Variants in FRS2 observed in about 807,000 individuals in gnomAD.
FRS2 encodes the protein FGFR signalling adaptor.
Under a neutral mutation model 43.9 loss-of-function variants are expected in FRS2, and 8 were observed. The observed-to-expected ratio is 0.18, with a 90% CI of 0.11 to 0.33. The LOEUF (loss-of-function observed/expected upper bound fraction) is 0.33, where lower values mean the gene tolerates loss of function less well. Ranked by LOEUF, FRS2 falls within the 10% of genes least tolerant of loss-of-function variation. The pLI, the probability that FRS2 is intolerant of heterozygous loss-of-function variation, is 1.00. For missense variants in FRS2, 534 were observed against 627.6 expected, an observed-to-expected ratio of 0.85 and a Z score of 1.59; for synonymous variants, 219 against 220.3, an observed-to-expected ratio of 0.99 and a Z score of 0.05.
chr12:69,573,664 T>C (rs2135819693), intron 8 of FRS2, among the ~76,000 whole-genome samples: 1 of 152,288 alleles, frequency 6.6e-6, no homozygotes, highest in African/African-American at 2.4e-5. Context: ...GGTTTCACCA[T>C]GTTGGCCAGG....
chr12:69,571,546 G>A, intron 7 of FRS2, 112 bp downstream of exon 7: 2 of 878,372 alleles, frequency 2.3e-6, no homozygotes, highest in Non-Finnish European at 3.6e-6. Flanking sequence ...GATAACAGAA[G>A]TATAATGGTT....
chr12:69,520,516 C>G (rs768796889), intron 1 of FRS2, among the ~76,000 whole-genome samples: 1 of 151,446 alleles, frequency 6.6e-6, no homozygotes, highest in Non-Finnish European at 1.5e-5. Flanking sequence ...AATGATATTG[C>G]CTAGGTTGTC....
At chr12:69,558,033 T>C (rs1879577086) in intron 3 of FRS2, among the ~76,000 whole-genome samples, 1 of 152,220 alleles carries the variant, frequency 6.6e-6, no homozygotes, top group Non-Finnish European at 1.5e-5. Flanking sequence ...AATCTCTATA[T>C]ATATATTGTT....
At chr12:69,523,469 C>T (rs912943485) in intron 1 of FRS2, among the ~76,000 whole-genome samples, 1 of 152,178 alleles carries the variant, frequency 6.6e-6, no homozygotes, top group African/African-American at 2.4e-5. Flanking sequence ...CCATGGGTGT[C>T]ACTGCATGTG....
At chr12:69,470,661 G>T (rs920753301) in intron 1 of FRS2, 131 bp downstream of exon 1, 6 of 206,896 alleles carry the variant, frequency 2.9e-5, no homozygotes, top group Non-Finnish European at 5.7e-5. Context: ...GGGGATTGTC[G>T]ACCGCCGCGG....
chr12:69,563,617 CA>C (rs1880044673), intron 4 of FRS2, among the ~76,000 whole-genome samples: 3 of 152,162 alleles, frequency 2.0e-5, no homozygotes. Context: ...GCTAGCAAAA[CA>C]GCATAATCTT....
intron 3 of FRS2, among the ~76,000 whole-genome samples, chr12:69,540,225 C>T (rs1213312443): frequency 6.6e-6 from 1 of 151,578 alleles, no homozygotes; most frequent in Non-Finnish European, 1.5e-5. Context: ...TGCACTCCAG[C>T]CTGGACGACA....
At chr12:69,514,630 C>G (rs777853760) in intron 1 of FRS2, among the ~76,000 whole-genome samples, 1 of 152,072 alleles carries the variant, frequency 6.6e-6, no homozygotes, top group Non-Finnish European at 1.5e-5. Flanking sequence ...GTCAGGAGTT[C>G]TAGACCAGCC....
Position 69,530,977 on chromosome 12 carries a change from CTT to C in FRS2, c.-165+33_-165+34del, listed in dbSNP as rs59475670. 564 of 134,600 alleles carry C rather than the reference CTT, an allele frequency of 4.2e-3. 6 individuals carry two copies. Among genetic ancestry groups the C allele is most frequent in the African/African-American group, 0.012 (451 of 37,038 alleles). 8.3% of individuals were successfully genotyped at this position (134,600 alleles called of 1,614,324 possible). A position where few individuals can be genotyped will look rare whatever the true frequency, so the allele number is the denominator to read the frequency against. On this transcript the variant is annotated intron_variant, in intron 2 of 8. Transcript: ENST00000549921. ...ACCAGCTTGGTAAGTGTGGCCAAAT[CTT>C]TTTTTTTTTTTTTTTAACTTTGTAG... is the stretch of plus-strand genomic sequence containing the variant.
chr12:69,518,610 G>A lies in FRS2; in HGVS notation c.-260-12255G>A, dbSNP rs191825872. Among the ~76,000 whole-genome samples, 7 of 151,466 alleles carry A rather than the reference G, an allele frequency of 4.6e-5. No individual in the cohort carries two copies. The East Asian group carries it at 1.4e-3, about 30-fold the overall frequency. ...ATGCCTGTAGTCCCAGCTACTTTGG[G>A]GGCTGAGGCAAGAGGATCACTTGAA... On this transcript the variant is annotated intron_variant, in intron 1 of 8. Transcript: ENST00000549921.
chr12:69,550,903 CTT>C (rs953505286), intron 3 of FRS2, among the ~76,000 whole-genome samples: 3 of 152,132 alleles, frequency 2.0e-5, no homozygotes, highest in Non-Finnish European at 4.4e-5. Context: ...AATTCTAAGT[CTT>C]TTTAAAAAGA....
chr12:69,575,188 T>C lies in FRS2; in HGVS notation c.*233T>C. ...TACAGCAGCATTCCCGTTTTCACAG[T>C]GCCTATTTAAAATGAGAGTTGAAGT... On this transcript the variant is annotated 3_prime_UTR_variant, in exon 9 of 9. Transcript: ENST00000549921. 1 of 453,158 alleles carries C rather than the reference T, an allele frequency of 2.2e-6. No homozygotes were observed. The highest frequency in any genetic ancestry group is 3.9e-6 in the Non-Finnish European group (1 of 257,504). 28.1% of individuals were successfully genotyped at this position (453,158 alleles called of 1,614,324 possible).
rs372662720 is a variant in FRS2 at position 69,574,630 on chromosome 12, C to T, written c.1202C>T (p.Pro401Leu). Residue 401 changes from proline to leucine, a missense_variant, in exon 9 of 9, where the codon CCA becomes CTA. Pro to Leu is a moderately conservative substitution (Grantham distance 98). Transcript: ENST00000549921. ...GTAAATACAGAGAATGTAACAGTGC[C>T]AGCAAGTGCTCACAAAATAGAATAT... ...NYVNTENVTV[P>L]ASAHKIEYSR... 2.7e-5 allele frequency: 43 copies of T among 1,614,090 alleles called. No individual in the cohort carries two copies. In the East Asian group the frequency reaches 6.7e-4, roughly 25 times the overall value.
chr12:69,479,502 A>G (rs945842339), intron 1 of FRS2, among the ~76,000 whole-genome samples: 1 of 150,808 alleles, frequency 6.6e-6, no homozygotes, highest in Non-Finnish European at 1.5e-5. Flanking sequence ...GGTTCAAGCA[A>G]TTCTCCTGCC....
intron 1 of FRS2, among the ~76,000 whole-genome samples, chr12:69,506,477 T>C (rs1340926707): frequency 6.6e-6 from 1 of 151,852 alleles, no homozygotes; most frequent in East Asian, 1.9e-4. Flanking sequence ...ATGTATTCTG[T>C]TTTTTTTCTT....
At chr12:69,525,192 G>GT (rs11295929) in intron 1 of FRS2, among the ~76,000 whole-genome samples, 161 of 146,734 alleles carry the variant, frequency 1.1e-3, no homozygotes, top group Non-Finnish European at 1.5e-3. Context: ...ATGTAATATT[G>GT]TTTTTTTTTT....
intron 1 of FRS2, among the ~76,000 whole-genome samples, chr12:69,510,083 C>T (rs1334970816): frequency 6.6e-6 from 1 of 152,114 alleles, no homozygotes; most frequent in Non-Finnish European, 1.5e-5. Context: ...ATCTCTAGCC[C>T]CCTCTTTCTC....
intron 4 of FRS2, among the ~76,000 whole-genome samples, chr12:69,563,152 A>G (rs1880003726): frequency 6.6e-6 from 1 of 152,152 alleles, no homozygotes; most frequent in Admixed American, 6.5e-5. Flanking sequence ...ATTAATGCAT[A>G]TTATTAGGTG....
intron 1 of FRS2, among the ~76,000 whole-genome samples, chr12:69,493,498 A>G (rs560005182): frequency 2.0e-5 from 3 of 152,368 alleles, no homozygotes; most frequent in African/African-American, 7.2e-5. Context: ...AGGCGGGTGG[A>G]TCACCTGAGG....
Sources: allele counts gnomAD v4.1 joint callset (sites outside exome capture counted in the v4.1 genomes callset), GRCh38; gene constraint gnomAD v4.1.1; transcripts MANE v1.5; gene names NCBI Gene and HGNC (gene_info 2026-07-23, HGNC 2026-07-21).